ITGAV: variants seen among roughly 807,000 people sequenced by gnomAD.
ITGAV encodes integrin subunit alpha V.
In ITGAV, 76 loss-of-function variants were observed where a neutral mutation model predicts 143.8. The ratio of observed to expected loss-of-function variants is 0.53; its 90% CI spans 0.44 to 0.64. ITGAV has a LOEUF of 0.64. Among genes scored for constraint, ITGAV ranks in the 30% least tolerant of loss-of-function variants. The pLI is 0.00. For synonymous variants in ITGAV, 453 were observed against 446.7 expected (o/e 1.01, Z -0.18); for missense variants, 1,193 against 1,274.7 (o/e 0.94, Z 0.98).
At position 186,669,749 on chromosome 2, in the gene ITGAV, G is replaced by A. The variant is rs766069647; in HGVS notation, c.2641G>A (p.Gly881Ser). Residue 881 changes from glycine (G) to serine (S), a missense_variant, in exon 26 of 30, where the codon GGT (glycine) becomes AGT (serine). By Grantham distance (56) the Gly-to-Ser change is moderately conservative (BLOSUM62 0). Coordinates refer to ENST00000261023, the MANE Select transcript of ITGAV (RefSeq NM_002210.5). Reference sequence around the variant, plus strand: ...AAAGAATGACACGGTTGCCGGGCAAGGTGAGCGGGACCATCTCATCACTAA... The same window carrying A: ...AAAGAATGACACGGTTGCCGGGCAAAGTGAGCGGGACCATCTCATCACTAA... ...TEKNDTVAGQ[G>S]ERDHLITKRD... 15 of 1,614,110 alleles carry A rather than the reference G, an allele frequency of 9.3e-6. No homozygotes were observed. In the South Asian group the frequency reaches 1.6e-4, roughly 18 times the overall value.
chr2:186,639,443 C>T (rs2105708844), intron 10 of ITGAV, among the ~76,000 whole-genome samples: 1 of 152,222 alleles, frequency 6.6e-6, no homozygotes, highest in South Asian at 2.1e-4. Flanking sequence ...CTGCAGTTGA[C>T]AGGCAGTTAG....
At chr2:186,671,023 G>A (rs1015107533) in intron 26 of ITGAV, among the ~76,000 whole-genome samples, 3 of 152,064 alleles carry the variant, frequency 2.0e-5, no homozygotes, top group Admixed American at 6.6e-5. Context: ...AATTGCATCA[G>A]TATTTTCTTT....
intron 1 of ITGAV, among the ~76,000 whole-genome samples, chr2:186,599,858 T>C (rs1686849362): frequency 6.6e-6 from 1 of 152,214 alleles, no homozygotes; most frequent in African/African-American, 2.4e-5. Flanking sequence ...CTCCAGCGAT[T>C]GCTGTTGTAC....
intron 14 of ITGAV, among the ~76,000 whole-genome samples, chr2:186,651,567 T>C (rs774530244): frequency 4.6e-5 from 7 of 152,182 alleles, no homozygotes; most frequent in South Asian, 2.1e-4. Context: ...AGACATTCTT[T>C]GTACTTTTTG....
chr2:186,607,595 T>A (rs886661027), intron 2 of ITGAV, among the ~76,000 whole-genome samples: 6 of 152,190 alleles, frequency 3.9e-5, no homozygotes, highest in Non-Finnish European at 7.3e-5. Context: ...AAAAAAAATC[T>A]ATTGTTCTTT....
intron 10 of ITGAV, among the ~76,000 whole-genome samples, chr2:186,640,011 TA>T (rs1434848194): frequency 6.6e-6 from 1 of 152,204 alleles, no homozygotes; most frequent in Non-Finnish European, 1.5e-5. Flanking sequence ...CAACCCAAAA[TA>T]GATAATGCAG....
chr2:186,677,630 G>T lies in ITGAV; in HGVS notation c.*338G>T, dbSNP rs900319862. ...AGTTACTGTTTCTGATTTAATGTAC[G>T]GAACTTTATTTGTTGTTGTTGTTGT... is the stretch of plus-strand genomic sequence containing the variant. On this transcript the variant is annotated 3_prime_UTR_variant, in exon 30 of 30. Transcript: ENST00000261023. 5.3e-6 allele frequency: 1 copy of T among 190,170 alleles called. No individual in the cohort carries two copies. Among genetic ancestry groups the T allele is most frequent in the South Asian group, 1.1e-4 (1 of 9,008 alleles). 11.8% of individuals were successfully genotyped at this position (190,170 alleles called of 1,614,324 possible). A position where few individuals can be genotyped will look rare whatever the true frequency, so the allele number is the denominator to read the frequency against.
At chr2:186,674,884 T>C (rs866067363) in intron 26 of ITGAV, among the ~76,000 whole-genome samples, 31 of 152,162 alleles carry the variant, frequency 2.0e-4, no homozygotes, top group African/African-American at 6.8e-4. Context: ...TTGATTGCTA[T>C]TGTCTTATTT....
chr2:186,598,719 G>T (rs987909576), intron 1 of ITGAV, among the ~76,000 whole-genome samples: 3 of 152,138 alleles, frequency 2.0e-5, no homozygotes, highest in African/African-American at 4.8e-5. Context: ...ATGAGCCACT[G>T]TGCCCAACCT....
intron 18 of ITGAV, among the ~76,000 whole-genome samples, chr2:186,661,620 C>T (rs1405692397): frequency 2.1e-5 from 3 of 141,520 alleles, no homozygotes; most frequent in South Asian, 2.3e-4. Flanking sequence ...TTTTTTGAGA[C>T]GGAATCTTGC....
At chr2:186,625,625 G>T in intron 4 of ITGAV, 38 bp downstream of exon 4, 1 of 1,393,852 alleles carries the variant, frequency 7.2e-7, no homozygotes, top group Non-Finnish European at 1.0e-6. Flanking sequence ...TAAGAAGAGG[G>T]GTGGGAAGCC....
intron 2 of ITGAV, among the ~76,000 whole-genome samples, 158 bp from the exon 3 acceptor site, chr2:186,622,181 G>A (rs554915163): frequency 2.0e-3 from 310 of 152,216 alleles, no homozygotes; most frequent in East Asian, 0.017. Flanking sequence ...TTACTTGAAA[G>A]TCTCTAATGT....
In ITGAV at chr2:186,678,845, G is replaced by C; in HGVS notation, c.*1553G>C. ...CCCTTAAATAATTGACTATTTTGCT[G>C]TGTTTTAAAAATGATTGAAATTTAT... On this transcript the variant is annotated 3_prime_UTR_variant, in exon 30 of 30. Coordinates refer to ENST00000261023, the MANE Select transcript of ITGAV (RefSeq NM_002210.5). The C allele has an allele frequency of 2.4e-6, 1 of 415,676 alleles. No homozygotes were observed. The highest frequency in any genetic ancestry group is 4.8e-6 in the Non-Finnish European group (1 of 210,208). 25.7% of individuals were successfully genotyped at this position (415,676 alleles called of 1,614,324 possible).
At position 186,680,495 on chromosome 2, in the gene ITGAV, A is replaced by G. The variant is rs1689322824; in HGVS notation, c.*3203A>G. 6.6e-6 allele frequency: 1 copy of G among 152,542 alleles called. No individual in the cohort carries two copies. The highest frequency in any genetic ancestry group is 6.6e-5 in the Admixed American group (1 of 15,266). 9.4% of individuals were successfully genotyped at this position (152,542 alleles called of 1,614,324 possible). A position where few individuals can be genotyped will look rare whatever the true frequency, so the allele number is the denominator to read the frequency against. Reference sequence around the variant, plus strand: ...GCAATATAACAATGTAACCAAATCTAGATAATTTCAAAGTTGTCATTAATT... The same window carrying G: ...GCAATATAACAATGTAACCAAATCTGGATAATTTCAAAGTTGTCATTAATT... On this transcript the variant is annotated 3_prime_UTR_variant, in exon 30 of 30. Transcript: ENST00000261023.
At chr2:186,651,006 C>G (rs1009595165) in intron 14 of ITGAV, among the ~76,000 whole-genome samples, 2 of 152,082 alleles carry the variant, frequency 1.3e-5, no homozygotes, top group Admixed American at 1.3e-4. Flanking sequence ...GTAATGAAAC[C>G]CCAAATGAAT....
At position 186,667,657 on chromosome 2, in the gene ITGAV, T is replaced by C. The variant is rs1488959537; in HGVS notation, c.2328-14T>C. The C allele has an allele frequency of 1.4e-6, 2 of 1,465,488 alleles. No homozygotes were observed. Among genetic ancestry groups the C allele is most frequent in the East Asian group, 2.3e-5 (1 of 44,036 alleles). The allele number at this position is 1,465,488 out of a possible 1,614,324, so 90.8% of individuals were successfully genotyped here. On this transcript the variant is annotated splice_polypyrimidine_tract_variant and intron_variant, in intron 23 of 29. Transcript: ENST00000261023. ...TTTGATATTCATGGTAGGTTTTCTT[T>C]GGTCATTGTTTAGAGTCTCGAGTCC...
chr2:186,622,375 T>G lies in ITGAV; in HGVS notation c.353T>G (p.Phe118Cys). The G allele has an allele frequency of 6.2e-7, 1 of 1,613,876 alleles. No homozygotes were observed. The highest frequency in any genetic ancestry group is 8.5e-7 in the Non-Finnish European group (1 of 1,179,786). ...TATGCCAAGGATGATCCATTGGAAT[T>G]TAAGTCCCATCAGTGGTTTGGAGCA... ...RDYAKDDPLE[F>C]KSHQWFGASV... The change falls in exon 3 of 30, where the codon TTT (phenylalanine) becomes TGT (cysteine). Residue 118 changes from phenylalanine (F) to cysteine (C), a missense_variant. Phe to Cys is a radical substitution (Grantham distance 205, BLOSUM62 -2). Coordinates refer to ENST00000261023, the MANE Select transcript of ITGAV (RefSeq NM_002210.5).
chr2:186,649,937 GT>G, intron 14 of ITGAV, 52 bp downstream of exon 14: 1 of 1,193,210 alleles, frequency 8.4e-7, no homozygotes. Flanking sequence ...TTATTTGAAC[GT>G]TTTTTAATTA....
Position 186,606,730 on chromosome 2 carries a change from A to C in ITGAV, c.316+4579A>C, listed in dbSNP as rs1022938047. Among the ~76,000 whole-genome samples, 6 of 152,016 alleles carry C rather than the reference A, an allele frequency of 3.9e-5. No individual in the cohort carries two copies. In the East Asian group the frequency reaches 1.2e-3, roughly 29 times the overall value. Reference sequence around the variant, plus strand: ...CATCTTTCTCTCTTCTTTCCTTTACATCCATGATTTTTGAATACATATTGT... The same window carrying C: ...CATCTTTCTCTCTTCTTTCCTTTACCTCCATGATTTTTGAATACATATTGT... On this transcript the variant is annotated intron_variant, in intron 2 of 29. Transcript: ENST00000261023.
Sources: gnomAD v4.1 joint callset for allele counts (sites outside exome capture counted in the v4.1 genomes callset) on GRCh38, gnomAD v4.1.1 for gene constraint, MANE v1.5 for transcripts, NCBI Gene and HGNC (gene_info 2026-07-23, HGNC 2026-07-21) for gene names.